SPRY3: variants seen among roughly 807,000 people sequenced by gnomAD.
SPRY3 encodes the protein protein sprouty homolog 3.
Under a neutral mutation model 20.2 loss-of-function variants are expected in SPRY3, and 15 were observed. The observed-to-expected ratio is 0.74, with a 90% CI of 0.50 to 1.14. The LOEUF (loss-of-function observed/expected upper bound fraction) is 1.14. SPRY3 is among the 50% of genes most tolerant of loss of function. The pLI, the probability that SPRY3 is intolerant of heterozygous loss-of-function variation, is 0.00. For missense variants in SPRY3, 364 were observed against 363.9 expected (o/e 1.00, Z 0.00); for synonymous variants, 143 against 136.5 (o/e 1.05, Z -0.33).
At chrX:155,634,264 C>T (rs1429108169) in intron 1 of SPRY3, among the ~76,000 whole-genome samples, 2 of 110,972 alleles carry the variant, frequency 1.8e-5, no homozygotes, top group African/African-American at 6.6e-5. Context: ...AAGTTGACTG[C>T]GTAGGATAGC....
chrX:155,765,801 C>T (rs1432879535), intron 2 of SPRY3, among the ~76,000 whole-genome samples: 1 of 152,172 alleles, frequency 6.6e-6, no homozygotes, highest in Non-Finnish European at 1.5e-5. Flanking sequence ...TCATCTCTTG[C>T]CTCTCCTATG....
intron 1 of SPRY3, among the ~76,000 whole-genome samples, chrX:155,629,630 A>G (rs782085941): frequency 1.8e-5 from 2 of 111,806 alleles, no homozygotes; most frequent in Admixed American, 9.5e-5. Flanking sequence ...CCAACAGTGT[A>G]AAAGCGTTCC....
At chrX:155,735,337 G>A (rs2091161129) in intron 2 of SPRY3, among the ~76,000 whole-genome samples, 1 of 151,880 alleles carries the variant, frequency 6.6e-6, no homozygotes, top group Admixed American at 6.6e-5. Flanking sequence ...TGTCAATCAG[G>A]TCCAGTTAAT....
intron 1 of SPRY3, among the ~76,000 whole-genome samples, chrX:155,618,623 G>T (rs901284281): frequency 1.8e-5 from 2 of 111,534 alleles, no homozygotes; most frequent in African/African-American, 6.5e-5. Flanking sequence ...TTCCAGAGTG[G>T]CTGTACCATT....
chrX:155,707,160 G>A (rs181939139), intron 2 of SPRY3, among the ~76,000 whole-genome samples: 1 of 151,030 alleles, frequency 6.6e-6, no homozygotes, highest in Non-Finnish European at 1.5e-5. Flanking sequence ...CTGCTTAAGG[G>A]GCATACCATA....
chrX:155,765,698 G>A (rs1251487447), intron 2 of SPRY3, among the ~76,000 whole-genome samples: 6 of 152,164 alleles, frequency 3.9e-5, no homozygotes, highest in Admixed American at 3.3e-4. Flanking sequence ...CCTTAATATA[G>A]GCCCACAGAG....
chrX:155,642,577 T>C (rs1008310599), intron 1 of SPRY3, among the ~76,000 whole-genome samples: 1 of 111,783 alleles, frequency 8.9e-6, no homozygotes, highest in Non-Finnish European at 1.9e-5. Context: ...TTAGATTGTT[T>C]ATTTGAAATT....
intron 2 of SPRY3, among the ~76,000 whole-genome samples, chrX:155,726,687 A>G (rs1244962260): frequency 6.6e-6 from 1 of 152,032 alleles, no homozygotes; most frequent in Non-Finnish European, 1.5e-5. Flanking sequence ...ATCTTCCTCC[A>G]TCCCTTTACT....
intron 3 of SPRY3, 29 bp from the exon 3 acceptor site, chrX:155,773,737 A>G: frequency 9.5e-7 from 1 of 1,047,266 alleles, no homozygotes; most frequent in South Asian, 1.6e-5. Flanking sequence ...GTGTGTTCTC[A>G]TTTACTGTTT....
At chrX:155,726,426 G>A (rs1233732166) in intron 2 of SPRY3, among the ~76,000 whole-genome samples, 2 of 152,072 alleles carry the variant, frequency 1.3e-5, no homozygotes, top group Admixed American at 1.3e-4. Context: ...GGGTGTTAAA[G>A]TCTCCCATTA....
At chrX:155,729,657 G>C (rs1240579424) in intron 2 of SPRY3, among the ~76,000 whole-genome samples, 1 of 151,408 alleles carries the variant, frequency 6.6e-6, no homozygotes, top group East Asian at 1.9e-4. Context: ...TACAGAACTA[G>C]AAAAGCAAGA....
intron 2 of SPRY3, among the ~76,000 whole-genome samples, chrX:155,657,926 GGCTGCACCC>G (rs201633250): frequency 0.011 from 1,240 of 111,713 alleles, 20 homozygotes; most frequent in African/African-American, 0.039. Context: ...ACCCTCCGTG[GGCTGCACCC>G]GCTGCCTAAC....
chrX:155,616,134 T>TCTCTCTC (rs1557348874), intron 1 of SPRY3, among the ~76,000 whole-genome samples: 12 of 58,455 alleles, frequency 2.1e-4, no homozygotes, highest in Admixed American at 1.4e-3. Flanking sequence ...CTCTCTCCTC[T>TCTCTCTC]CTCTCTCTCT....
chrX:155,700,447 G>T (rs944275848), intron 2 of SPRY3, among the ~76,000 whole-genome samples: 2 of 107,637 alleles, frequency 1.9e-5, no homozygotes, highest in Non-Finnish European at 3.8e-5. Flanking sequence ...CAAAATAATG[G>T]AAAAGAGTTA....
intron 3 of SPRY3, among the ~76,000 whole-genome samples, chrX:155,773,415 G>A (rs2091396593): frequency 6.7e-6 from 1 of 149,562 alleles, no homozygotes; most frequent in East Asian, 2.0e-4. Context: ...AGCCTTTGCA[G>A]TTAATATTAG....
intron 2 of SPRY3, among the ~76,000 whole-genome samples, chrX:155,720,574 C>T (rs1273532431): frequency 2.0e-5 from 3 of 152,144 alleles, no homozygotes; most frequent in Non-Finnish European, 4.4e-5. Flanking sequence ...TGTCATGCCA[C>T]CCCCAGCTTC....
At chrX:155,774,643 C>A (rs769506683) in exon 4 of SPRY3, 13 of 1,613,992 alleles carry the variant, frequency 8.1e-6, no homozygotes, top group Non-Finnish European at 1.1e-5. Flanking sequence ...CCTCCGGCGA[C>A]CAGGCTGCCG....
At chrX:155,723,013 A>G (rs947893817) in intron 2 of SPRY3, among the ~76,000 whole-genome samples, 1 of 143,598 alleles carries the variant, frequency 7.0e-6, no homozygotes, top group African/African-American at 2.6e-5. Context: ...GTTCCCACCT[A>G]TGAGTGAGAA....
At chrX:155,773,655 T>C in intron 3 of SPRY3, 111 bp from the exon 3 acceptor site, 1 of 598,624 alleles carries the variant, frequency 1.7e-6, no homozygotes, top group Non-Finnish European at 3.0e-6. Context: ...TGAAGATTAC[T>C]GTAAAGTAAT....
Sources: allele counts gnomAD v4.1 joint callset (sites outside exome capture counted in the v4.1 genomes callset), GRCh38; gene constraint gnomAD v4.1.1; transcripts MANE v1.5; gene names NCBI Gene and HGNC (gene_info 2026-07-23, HGNC 2026-07-21).